The following KCNB2 variants were observed in gnomAD, a reference collection of about 807,000 sequenced individuals.
KCNB2 encodes potassium voltage-gated channel subfamily B member 2, also known as delayed rectifier potassium channel protein.
A neutral mutation model predicts 61.5 loss-of-function variants in KCNB2; 15 were observed. The ratio of observed to expected loss-of-function variants is 0.24; its 90% confidence interval spans 0.16 to 0.38. KCNB2 has a LOEUF of 0.38. Ranked by LOEUF, KCNB2 falls within the 10% of genes least tolerant of loss-of-function variation. KCNB2 has a pLI of 1.00. For synonymous variants in KCNB2, 457 were observed against 446.0 expected (o/e 1.02, Z -0.31); for missense variants, 828 against 1,125.2 (o/e 0.74, Z 3.78).
At chr8:72,811,044 C>A (rs1421803878) in intron 2 of KCNB2, among the ~76,000 whole-genome samples, 1 of 151,950 alleles carries the variant, frequency 6.6e-6, no homozygotes, top group East Asian at 1.9e-4. Context: ...TTTATGTTAT[C>A]TTTTATCCTA....
At chr8:72,628,400 G>GTGTGTGTGT (rs869118528) in intron 2 of KCNB2, among the ~76,000 whole-genome samples, 26 of 47,390 alleles carry the variant, frequency 5.5e-4, no homozygotes, top group African/African-American at 1.2e-3. Context: ...CCTGTTAGGG[G>GTGTGTGTGT]GTGTGTGTGT....
At chr8:72,900,754 A>G (rs1171674871) in intron 2 of KCNB2, among the ~76,000 whole-genome samples, 1 of 152,200 alleles carries the variant, frequency 6.6e-6, no homozygotes, top group African/African-American at 2.4e-5. Context: ...GCTCATCATT[A>G]CTAATCATCT....
intron 2 of KCNB2, among the ~76,000 whole-genome samples, chr8:72,824,832 C>T (rs1809570925): frequency 6.6e-6 from 1 of 152,148 alleles, no homozygotes; most frequent in Non-Finnish European, 1.5e-5. Context: ...CCGTAGACCT[C>T]CTCACAGTCC....
chr8:72,621,121 A>T (rs1047622190), intron 2 of KCNB2, among the ~76,000 whole-genome samples: 1 of 152,230 alleles, frequency 6.6e-6, no homozygotes, highest in South Asian at 2.1e-4. Flanking sequence ...AAATAAGATC[A>T]CAAGTTTATG....
intron 1 of KCNB2, among the ~76,000 whole-genome samples, chr8:72,548,541 C>T (rs956387492): frequency 2.6e-5 from 4 of 152,164 alleles, no homozygotes; most frequent in African/African-American, 9.6e-5. Context: ...TCCATGACCA[C>T]ATGCAAAATG....
At chr8:72,828,890 T>TGA (rs1385243365) in intron 2 of KCNB2, among the ~76,000 whole-genome samples, 6 of 152,202 alleles carry the variant, frequency 3.9e-5, no homozygotes, top group Admixed American at 2.6e-4. Flanking sequence ...GCCTTGTATT[T>TGA]CTGATTCAGC....
chr8:72,641,963 A>C (rs978101247), intron 2 of KCNB2, among the ~76,000 whole-genome samples: 2 of 152,182 alleles, frequency 1.3e-5, no homozygotes, highest in African/African-American at 2.4e-5. Context: ...TATTCAGTGA[A>C]TTGTCAACTA....
chr8:72,583,893 GA>G (rs1479230144), intron 2 of KCNB2, among the ~76,000 whole-genome samples: 7 of 111,540 alleles, frequency 6.3e-5, no homozygotes, highest in Middle Eastern at 7.5e-3. Context: ...TAATTATGAG[GA>G]AAAAAATGCT....
At chr8:72,738,287 AT>A (rs1807884505) in intron 2 of KCNB2, among the ~76,000 whole-genome samples, 1 of 152,162 alleles carries the variant, frequency 6.6e-6, no homozygotes. Flanking sequence ...AACTACAAAC[AT>A]GTATCTTTCT....
rs1376426677 is a variant in KCNB2, at chr8:72,718,288, A to G, written c.579+149975A>G. 5.9e-5 allele frequency among the ~76,000 whole-genome samples: 9 copies of G among 152,218 alleles called. 1 individual carries two copies. ...TCAGGGATCTAGAACTAGAAATACC[A>G]TTTGACCCAGCCATCCCATTACTGG... On this transcript the variant is annotated intron_variant, in intron 2 of 2. Coordinates refer to ENST00000523207, the MANE Select transcript of KCNB2 (RefSeq NM_004770.3).
intron 1 of KCNB2, among the ~76,000 whole-genome samples, chr8:72,546,964 G>A (rs1194099001): frequency 6.6e-6 from 1 of 152,206 alleles, no homozygotes; most frequent in East Asian, 1.9e-4. Context: ...AAGCTTCAAA[G>A]GACAGGCTTA....
intron 2 of KCNB2, among the ~76,000 whole-genome samples, chr8:72,745,842 T>G (rs899065914): frequency 2.6e-5 from 4 of 152,226 alleles, no homozygotes; most frequent in African/African-American, 9.6e-5. Context: ...CCTCCCTTCC[T>G]GAGTCACTTC....
intron 2 of KCNB2, among the ~76,000 whole-genome samples, chr8:72,644,559 C>T (rs560868071): frequency 2.9e-4 from 44 of 152,242 alleles, no homozygotes; most frequent in African/African-American, 8.7e-4. Context: ...GGAAAGCCTA[C>T]GTGTTTGTCT....
At chr8:72,703,533 G>C (rs1289684390) in intron 2 of KCNB2, among the ~76,000 whole-genome samples, 1 of 152,196 alleles carries the variant, frequency 6.6e-6, no homozygotes, top group African/African-American at 2.4e-5. Context: ...GGTACAGTGT[G>C]TCCCATGATC....
At chr8:72,727,548 C>A (rs1458680405) in intron 2 of KCNB2, among the ~76,000 whole-genome samples, 1 of 152,174 alleles carries the variant, frequency 6.6e-6, no homozygotes, top group Non-Finnish European at 1.5e-5. Context: ...TGACCCTCAG[C>A]CCTCAGCATA....
At chr8:72,610,523 A>T (rs1367076155) in intron 2 of KCNB2, among the ~76,000 whole-genome samples, 1 of 152,180 alleles carries the variant, frequency 6.6e-6, no homozygotes, top group Non-Finnish European at 1.5e-5. Flanking sequence ...GGTTAGGGAT[A>T]TGATCTCTTA....
chr8:72,864,996 A>C (rs1051514774), intron 2 of KCNB2, among the ~76,000 whole-genome samples: 1 of 152,006 alleles, frequency 6.6e-6, no homozygotes, highest in Non-Finnish European at 1.5e-5. Flanking sequence ...GCTGGGCCTC[A>C]TTCACCTCCC....
chr8:72,806,632 A>G (rs915789723), intron 2 of KCNB2, among the ~76,000 whole-genome samples: 30 of 152,114 alleles, frequency 2.0e-4, no homozygotes, highest in African/African-American at 7.0e-4. Flanking sequence ...AAAAAGATGA[A>G]TAATTTAATC....
At chr8:72,618,506 T>C (rs2128983988) in intron 2 of KCNB2, among the ~76,000 whole-genome samples, 1 of 152,344 alleles carries the variant, frequency 6.6e-6, no homozygotes, top group East Asian at 1.9e-4. Flanking sequence ...TTACTCATTT[T>C]TTTCAGAGAA....
Sources: allele counts gnomAD v4.1 joint callset (sites outside exome capture counted in the v4.1 genomes callset), GRCh38; gene constraint gnomAD v4.1.1; transcripts MANE v1.5; gene names NCBI Gene and HGNC (gene_info 2026-07-23, HGNC 2026-07-21).